Variants in LRRC69 observed in about 807,000 individuals in gnomAD.
LRRC69 encodes leucine-rich repeat-containing protein 69.
A neutral mutation model predicts 37.8 loss-of-function variants in LRRC69; 42 were observed. The observed-to-expected ratio is 1.11, with a 90% CI of 0.87 to 1.44. LRRC69 has a LOEUF of 1.44. LRRC69 is among the 40% of genes most tolerant of loss of function. The probability of loss-of-function intolerance (pLI) is 0.00; values close to 1 mark genes in which losing one functional copy is unlikely to be tolerated. For missense variants in LRRC69, 357 were observed against 401.9 expected, an observed-to-expected ratio of 0.89 and a Z score of 0.96; for synonymous variants, 141 against 143.1, an observed-to-expected ratio of 0.99 and a Z score of 0.11.
intron 1 of LRRC69, among the ~76,000 whole-genome samples, chr8:91,120,721 GA>G (rs1041817742): frequency 6.6e-6 from 1 of 152,082 alleles, no homozygotes; most frequent in African/African-American, 2.4e-5. Flanking sequence ...TCAGCTGTGG[GA>G]TGTGGTGTAC....
At chr8:91,190,989 G>A (rs1809483711) in intron 6 of LRRC69, among the ~76,000 whole-genome samples, 1 of 151,144 alleles carries the variant, frequency 6.6e-6, no homozygotes, top group Non-Finnish European at 1.5e-5. Flanking sequence ...CAATGAGTTG[G>A]GTTCATGCTA....
At chr8:91,148,853 A>G (rs1479126860) in intron 5 of LRRC69, among the ~76,000 whole-genome samples, 2 of 151,804 alleles carry the variant, frequency 1.3e-5, no homozygotes, top group Non-Finnish European at 2.9e-5. Flanking sequence ...GCATTTTTTC[A>G]TGTGTCTTTT....
intron 5 of LRRC69, among the ~76,000 whole-genome samples, chr8:91,189,275 A>C (rs1473499133): frequency 3.3e-5 from 5 of 152,156 alleles, no homozygotes; most frequent in Non-Finnish European, 7.3e-5. Flanking sequence ...CAGGATGGGG[A>C]TATGACCAGT....
At chr8:91,128,111 G>GTA (rs140654016) in intron 3 of LRRC69, among the ~76,000 whole-genome samples, 1,845 of 152,028 alleles carry the variant, frequency 0.012, 33 homozygotes, top group African/African-American at 0.043. Flanking sequence ...ATCAATCGAT[G>GTA]TATATATTGA....
intron 5 of LRRC69, among the ~76,000 whole-genome samples, chr8:91,166,254 T>C (rs892916911): frequency 4.0e-5 from 6 of 151,734 alleles, no homozygotes; most frequent in Non-Finnish European, 7.4e-5. Flanking sequence ...CTAATTCCTG[T>C]CTTCCCTTGT....
intron 5 of LRRC69, among the ~76,000 whole-genome samples, chr8:91,156,774 T>C (rs1171285925): frequency 6.6e-6 from 1 of 151,270 alleles, no homozygotes; most frequent in Non-Finnish European, 1.5e-5. Context: ...AAGTCTTTAA[T>C]TCATCTTGAG....
intron 5 of LRRC69, among the ~76,000 whole-genome samples, chr8:91,170,070 C>T (rs564531571): frequency 4.0e-4 from 47 of 117,302 alleles, no homozygotes; most frequent in Non-Finnish European, 7.8e-4. Flanking sequence ...AATGGTATTT[C>T]CAGTTCTAGA....
intron 6 of LRRC69, among the ~76,000 whole-genome samples, chr8:91,197,089 G>A (rs1271656964): frequency 6.6e-6 from 1 of 151,928 alleles, no homozygotes; most frequent in Non-Finnish European, 1.5e-5. Flanking sequence ...AGGTCTGTTG[G>A]AGTACCCTGC....
chr8:91,102,662 A>T (rs907810945), exon 1 of LRRC69: 1 of 1,549,058 alleles, frequency 6.5e-7, no homozygotes, highest in African/African-American at 1.4e-5. Flanking sequence ...TTCCAAGATC[A>T]TGACTGAGAG....
chr8:91,219,254 G>A (rs1021622297), downstream of LRRC69: 3 of 287,816 alleles, frequency 1.0e-5, no homozygotes, highest in Non-Finnish European at 1.9e-5. Context: ...TGTGTGGCAA[G>A]TGAGTTATTT....
At chr8:91,116,246 T>C (rs2130488942) in intron 1 of LRRC69, among the ~76,000 whole-genome samples, 1 of 152,128 alleles carries the variant, frequency 6.6e-6, no homozygotes, top group South Asian at 2.1e-4. Flanking sequence ...TAATATCTGC[T>C]ATTTGCCTGG....
At chr8:91,211,924 G>A (rs751868496) in intron 7 of LRRC69, among the ~76,000 whole-genome samples, 1 of 152,024 alleles carries the variant, frequency 6.6e-6, no homozygotes, top group Non-Finnish European at 1.5e-5. Context: ...TCAGGTGAAT[G>A]TAAAATTATG....
chr8:91,197,599 C>T (rs913191854), intron 6 of LRRC69, among the ~76,000 whole-genome samples: 9 of 152,118 alleles, frequency 5.9e-5, no homozygotes, highest in Non-Finnish European at 7.4e-5. Flanking sequence ...GGGAGTGACC[C>T]GATTTTCCAG....
At chr8:91,161,648 T>C (rs1161456506) in intron 5 of LRRC69, among the ~76,000 whole-genome samples, 2 of 151,414 alleles carry the variant, frequency 1.3e-5, no homozygotes, top group Admixed American at 6.6e-5. Flanking sequence ...TCCTTTTTCA[T>C]TTCTAATTTT....
intron 5 of LRRC69, among the ~76,000 whole-genome samples, chr8:91,166,492 GAAAAAAA>G (rs66705016): frequency 0.49 from 46,694 of 95,964 alleles, 9,635 homozygotes; most frequent in South Asian, 0.63. Context: ...AAAATAAACT[GAAAAAAA>G]AAAAAAAAAA....
chr8:91,132,944 A>C (rs56978897), intron 3 of LRRC69, among the ~76,000 whole-genome samples, 166 bp from the exon 4 acceptor site: 18,213 of 151,942 alleles, frequency 0.12, 2,313 homozygotes, highest in African/African-American at 0.32. Flanking sequence ...TTCAGCAAAA[A>C]CTTTTTATAC....
chr8:91,213,107 G>T (rs1338647983), intron 7 of LRRC69, among the ~76,000 whole-genome samples: 1 of 152,012 alleles, frequency 6.6e-6, no homozygotes, highest in Admixed American at 6.6e-5. Context: ...TCAAAATGTT[G>T]AAAATTCCTT....
At chr8:91,135,319 C>CTA (rs1306182423) in intron 4 of LRRC69, among the ~76,000 whole-genome samples, 1 of 152,040 alleles carries the variant, frequency 6.6e-6, no homozygotes, top group African/African-American at 2.4e-5. Flanking sequence ...TTAAGGGCTT[C>CTA]TATTAGCATT....
intron 1 of LRRC69, 70 bp from the exon 2 acceptor site, chr8:91,124,423 T>A: frequency 7.8e-7 from 1 of 1,288,478 alleles, no homozygotes; most frequent in African/African-American, 1.5e-5. Flanking sequence ...GCAAGGGAGC[T>A]TAAATTATTT....
Sources: allele counts gnomAD v4.1 joint callset (sites outside exome capture counted in the v4.1 genomes callset), GRCh38; gene constraint gnomAD v4.1.1; transcripts MANE v1.5; gene names NCBI Gene and HGNC (gene_info 2026-07-23, HGNC 2026-07-21).